LPGAT1: variants seen among roughly 807,000 people sequenced by gnomAD.
LPGAT1 encodes acyl-CoA:lysophosphatidylglycerol acyltransferase 1.
A neutral mutation model predicts 47.5 loss-of-function variants in LPGAT1; 11 were observed. That is an observed-to-expected ratio of 0.23 (90% CI 0.15 to 0.38). The LOEUF is 0.38. Ranked by LOEUF, LPGAT1 falls within the 10% of genes least tolerant of loss-of-function variation. The pLI is 1.00. For missense variants in LPGAT1, 293 were observed against 439.0 expected, an observed-to-expected ratio of 0.67 and a Z score of 2.97; for synonymous variants, 138 against 144.2, an observed-to-expected ratio of 0.96 and a Z score of 0.31.
At chr1:211,818,474 A>G (rs1660257374) in intron 2 of LPGAT1, among the ~76,000 whole-genome samples, 1 of 152,210 alleles carries the variant, frequency 6.6e-6, no homozygotes, top group Admixed American at 6.5e-5. Flanking sequence ...TGTTTTGTGA[A>G]ATCTCCCTAA....
chr1:211,814,205 C>T (rs955591855), intron 2 of LPGAT1, among the ~76,000 whole-genome samples: 2 of 152,174 alleles, frequency 1.3e-5, no homozygotes, highest in African/African-American at 4.8e-5. Context: ...GTATGGATTC[C>T]TGACCCCCTG....
At chr1:211,806,259 CAAA>C (rs141014104) in intron 2 of LPGAT1, among the ~76,000 whole-genome samples, 4 of 88,206 alleles carry the variant, frequency 4.5e-5, no homozygotes, top group Admixed American at 2.3e-4. Context: ...GGGTCTGTCT[CAAA>C]AAAAAAAAAA....
At chr1:211,778,478 A>G (rs1658507321) in intron 6 of LPGAT1, among the ~76,000 whole-genome samples, 1 of 152,106 alleles carries the variant, frequency 6.6e-6, no homozygotes. Context: ...TGCAGTGGCC[A>G]TTCTTTTATT....
chr1:211,827,500 G>A (rs1038603064), intron 2 of LPGAT1, among the ~76,000 whole-genome samples: 1 of 152,132 alleles, frequency 6.6e-6, no homozygotes, highest in East Asian at 1.9e-4. Flanking sequence ...AAACATTTCA[G>A]TAATTTCATT....
intron 6 of LPGAT1, among the ~76,000 whole-genome samples, chr1:211,758,236 T>C (rs1306043655): frequency 2.6e-5 from 4 of 152,250 alleles, no homozygotes; most frequent in East Asian, 1.9e-4. Flanking sequence ...CATTTACATA[T>C]AAGGGTTAGG....
intron 2 of LPGAT1, among the ~76,000 whole-genome samples, chr1:211,808,660 G>C (rs1035641179): frequency 1.3e-5 from 2 of 152,166 alleles, no homozygotes; most frequent in Non-Finnish European, 2.9e-5. Flanking sequence ...AAAGAGTTTG[G>C]CAGTTTCTCA....
chr1:211,766,135 G>A (rs1226173787), intron 6 of LPGAT1, among the ~76,000 whole-genome samples: 2 of 152,036 alleles, frequency 1.3e-5, no homozygotes, highest in Non-Finnish European at 2.9e-5. Flanking sequence ...AAGGCCTTTT[G>A]ACTTGGACCA....
intron 2 of LPGAT1, among the ~76,000 whole-genome samples, chr1:211,810,216 T>C (rs981979647): frequency 2.0e-5 from 3 of 152,224 alleles, no homozygotes; most frequent in Non-Finnish European, 4.4e-5. Flanking sequence ...TGTTCATTCA[T>C]TCAACTGGTT....
At chr1:211,829,390 T>C (rs1036928278) in intron 1 of LPGAT1, 67 bp from the exon 2 acceptor site, 10 of 1,568,008 alleles carry the variant, frequency 6.4e-6, no homozygotes, top group South Asian at 2.4e-5. Flanking sequence ...GTCACCAACA[T>C]AGAAATCGCC....
At chr1:211,763,107 G>T (rs1657768395) in intron 6 of LPGAT1, among the ~76,000 whole-genome samples, 1 of 152,170 alleles carries the variant, frequency 6.6e-6, no homozygotes, top group Admixed American at 6.5e-5. Flanking sequence ...TATGGCATGG[G>T]ACATATAAAA....
At chr1:211,756,857 G>GT (rs528629982) in intron 6 of LPGAT1, among the ~76,000 whole-genome samples, 431 of 130,634 alleles carry the variant, frequency 3.3e-3, no homozygotes, top group African/African-American at 4.0e-3. Context: ...TGTTTGCTTT[G>GT]TTTTTTTTTT....
intron 6 of LPGAT1, among the ~76,000 whole-genome samples, chr1:211,756,730 A>C (rs1657471590): frequency 6.6e-6 from 1 of 152,218 alleles, no homozygotes; most frequent in African/African-American, 2.4e-5. Flanking sequence ...CTCCTAAGTA[A>C]TTTAAAGATC....
chr1:211,756,462 G>A (rs1183580714), intron 6 of LPGAT1, among the ~76,000 whole-genome samples: 2 of 152,020 alleles, frequency 1.3e-5, no homozygotes, highest in East Asian at 3.9e-4. Flanking sequence ...TGAGTAGCTG[G>A]GACCACAGGT....
At chr1:211,796,229 T>C (rs1224678604) in intron 2 of LPGAT1, among the ~76,000 whole-genome samples, 2 of 152,338 alleles carry the variant, frequency 1.3e-5, no homozygotes, top group African/African-American at 4.8e-5. Flanking sequence ...GAACCCTCTG[T>C]ACTGGGTTGA....
At position 211,747,453 on chromosome 1, in the gene LPGAT1, T is replaced by C. The variant is rs1477378664; in HGVS notation, c.*2446A>G. ...TTGAAAAGTAAAGCATCTTATAGAATAGTTTAATGTGTACAGTATATTTAA... is the reference window on the plus strand; with the variant it reads ...TTGAAAAGTAAAGCATCTTATAGAACAGTTTAATGTGTACAGTATATTTAA... On this transcript the variant is annotated 3_prime_UTR_variant, in exon 8 of 8. Transcript: ENST00000366997. 10 of 152,298 alleles carry C rather than the reference T, an allele frequency of 6.6e-5. No homozygotes were observed. In the East Asian group the frequency reaches 1.2e-3, roughly 18 times the overall value. The allele number at this position is 152,298 out of a possible 1,614,324, so 9.4% of individuals were successfully genotyped here. A position where few individuals can be genotyped will look rare whatever the true frequency, so the allele number is the denominator to read the frequency against.
chr1:211,797,942 T>C (rs1344678728), intron 2 of LPGAT1, among the ~76,000 whole-genome samples: 1 of 152,138 alleles, frequency 6.6e-6, no homozygotes, highest in Non-Finnish European at 1.5e-5. Flanking sequence ...GGTTATCATC[T>C]ACTACATACA....
chr1:211,779,010 A>T lies in LPGAT1; in HGVS notation c.762T>A (p.Asp254Glu). 1 of 1,606,098 alleles carries T rather than the reference A, an allele frequency of 6.2e-7. No individual in the cohort carries two copies. Among genetic ancestry groups the T allele is most frequent in the East Asian group, 2.2e-5 (1 of 44,680 alleles). ...CAGCTTTGGGATAAGCTATCGTTGTATCTATTATCCACTGGAGGCCTTTTG... is the reference window on the plus strand; with the variant it reads ...CAGCTTTGGGATAAGCTATCGTTGTTTCTATTATCCACTGGAGGCCTTTTG... ...SKSKGLQWII[D>E]TTIAYPKAEP... Residue 254 changes from aspartate (D) to glutamate (E), a missense_variant, in exon 6 of 8, where the codon GAT (aspartate) becomes GAA (glutamate). Transcript: ENST00000366997.
chr1:211,782,761 C>A (rs1658694398), intron 5 of LPGAT1, among the ~76,000 whole-genome samples: 1 of 151,962 alleles, frequency 6.6e-6, no homozygotes, highest in Non-Finnish European at 1.5e-5. Flanking sequence ...AAAACAAAAA[C>A]AACAACAACA....
intron 2 of LPGAT1, among the ~76,000 whole-genome samples, chr1:211,797,311 CTTTTTTT>C (rs200601647): frequency 9.8e-5 from 12 of 122,644 alleles, no homozygotes; most frequent in Admixed American, 9.6e-4. Flanking sequence ...CTTTCCTTTT[CTTTTTTT>C]TTTTTTTTTT....
Sources: allele counts gnomAD v4.1 joint callset (sites outside exome capture counted in the v4.1 genomes callset), GRCh38; gene constraint gnomAD v4.1.1; transcripts MANE v1.5; gene names NCBI Gene and HGNC (gene_info 2026-07-23, HGNC 2026-07-21).